CCNJL: variants seen among roughly 807,000 people sequenced by gnomAD.
The protein encoded by CCNJL is cyclin J like.
Under a neutral mutation model 33.4 loss-of-function variants are expected in CCNJL, and 33 were observed. That is an observed-to-expected ratio of 0.99 (90% CI 0.75 to 1.32). CCNJL has a LOEUF of 1.32. Among genes scored for constraint, CCNJL ranks in the 40% most tolerant of loss-of-function variants. The probability of loss-of-function intolerance (pLI) is 0.00; values close to 1 mark genes in which losing one functional copy is unlikely to be tolerated. For missense variants in CCNJL, 512 were observed against 499.7 expected (o/e 1.02, Z -0.23); for synonymous variants, 227 against 220.9 (o/e 1.03, Z -0.24).
At chr5:160,316,283 A>G (rs919533028), upstream of CCNJL, among the ~76,000 whole-genome samples, 1 of 152,160 alleles carries the variant, frequency 6.6e-6, no homozygotes, top group Non-Finnish European at 1.5e-5. Flanking sequence ...TAAGCCATTC[A>G]AAAACTAAAC....
chr5:160,339,215 C>T lies in CCNJL; in HGVS notation n.206+230G>A, dbSNP rs576381664. On this transcript the variant is annotated intron_variant and non_coding_transcript_variant, in intron 1 of 7. Transcript: ENST00000377503. ...GGCTTTGAAGATAGAGCAATAAAAT[C>T]CAAGACATGGATAATACTTAAGAAA... is the stretch of plus-strand genomic sequence containing the variant. 4.0e-5 allele frequency among the ~76,000 whole-genome samples: 6 copies of T among 151,632 alleles called. No homozygotes were observed. The East Asian group carries it at 1.2e-3, about 29-fold the overall frequency.
upstream of CCNJL, among the ~76,000 whole-genome samples, chr5:160,317,385 C>T (rs530677599): frequency 2.0e-5 from 3 of 152,326 alleles, no homozygotes; most frequent in South Asian, 2.1e-4. Context: ...CTCCCTCTCA[C>T]GCAGGGCCAG....
At chr5:160,265,980 G>C (rs1393207393) in intron 3 of CCNJL, among the ~76,000 whole-genome samples, 1 of 152,166 alleles carries the variant, frequency 6.6e-6, no homozygotes, top group African/African-American at 2.4e-5. Flanking sequence ...CTGAGAATGA[G>C]AACCAGACTT....
At chr5:160,258,304 C>T (rs527369109) in intron 4 of CCNJL, 11 of 745,974 alleles carry the variant, frequency 1.5e-5, no homozygotes, top group African/African-American at 5.2e-5. Context: ...GGATGGTATT[C>T]GAAAATGGTA....
At chr5:160,262,271 C>G (rs1265845766) in intron 3 of CCNJL, among the ~76,000 whole-genome samples, 1 of 152,140 alleles carries the variant, frequency 6.6e-6, no homozygotes, top group Non-Finnish European at 1.5e-5. Flanking sequence ...CAGATGTGCT[C>G]AATCAGATTA....
chr5:160,335,749 A>AAT (rs72400835), intron 1 of CCNJL, among the ~76,000 whole-genome samples: 8 of 140,802 alleles, frequency 5.7e-5, no homozygotes, highest in South Asian at 2.3e-4. Context: ...TTTTTTTGAA[A>AAT]TTTTTTTTTT....
chr5:160,290,965 T>C (rs1365636417), intron 2 of CCNJL, among the ~76,000 whole-genome samples: 1 of 144,278 alleles, frequency 6.9e-6, no homozygotes, highest in East Asian at 2.0e-4. Context: ...TTGCAACACT[T>C]TGGGAGGCTG....
At chr5:160,307,974 C>T (rs1476673198) in intron 2 of CCNJL, among the ~76,000 whole-genome samples, 1 of 152,168 alleles carries the variant, frequency 6.6e-6, no homozygotes, top group East Asian at 1.9e-4. Context: ...GGGTCTCACT[C>T]CTGGTTCCCA....
intron 2 of CCNJL, among the ~76,000 whole-genome samples, chr5:160,292,640 T>C (rs1762622772): frequency 6.6e-6 from 1 of 151,852 alleles, no homozygotes; most frequent in African/African-American, 2.4e-5. Flanking sequence ...TATATGTGTG[T>C]GTGTATATAT....
At chr5:160,275,519 C>T (rs928806661) in intron 3 of CCNJL, among the ~76,000 whole-genome samples, 1 of 152,082 alleles carries the variant, frequency 6.6e-6, no homozygotes, top group Non-Finnish European at 1.5e-5. Flanking sequence ...GGGTCTGGCT[C>T]TGTGGCCCAG....
At chr5:160,333,208 C>T (rs572351941) in intron 1 of CCNJL, among the ~76,000 whole-genome samples, 4 of 151,992 alleles carry the variant, frequency 2.6e-5, no homozygotes, top group South Asian at 2.1e-4. Flanking sequence ...TTGCAAGCTC[C>T]GCCTCCCAGG....
intron 3 of CCNJL, among the ~76,000 whole-genome samples, chr5:160,272,303 A>G (rs1321810106): frequency 6.6e-6 from 1 of 152,166 alleles, no homozygotes; most frequent in African/African-American, 2.4e-5. Flanking sequence ...TGGAGGATGC[A>G]AAGGGGAGTG....
intron 1 of CCNJL, among the ~76,000 whole-genome samples, chr5:160,338,722 C>A (rs1763712837): frequency 6.6e-6 from 1 of 152,180 alleles, no homozygotes; most frequent in African/African-American, 2.4e-5. Context: ...GTATAAAGCA[C>A]TTACCATAGG....
chr5:160,288,569 G>C (rs1280361658), intron 2 of CCNJL, among the ~76,000 whole-genome samples: 1 of 151,760 alleles, frequency 6.6e-6, no homozygotes, highest in African/African-American at 2.4e-5. Context: ...GTTCACTGAT[G>C]AATCTTAAAA....
chr5:160,280,124 C>T (rs187367696), intron 3 of CCNJL, among the ~76,000 whole-genome samples: 5 of 152,284 alleles, frequency 3.3e-5, no homozygotes, highest in African/African-American at 9.6e-5. Flanking sequence ...GTTCATATCC[C>T]CCATACCAGG....
Position 160,251,230 on chromosome 5 carries a change from A to C in CCNJL, c.*2148T>G, listed in dbSNP as rs1760792784. The C allele has an allele frequency of 1.3e-5, 2 of 152,214 alleles. No homozygotes were observed. Among genetic ancestry groups the C allele is most frequent in the African/African-American group, 4.8e-5 (2 of 41,450 alleles). 9.4% of individuals were successfully genotyped at this position (152,214 alleles called of 1,614,324 possible). A position where few individuals can be genotyped will look rare whatever the true frequency, so the allele number is the denominator to read the frequency against. On this transcript the variant is annotated 3_prime_UTR_variant, in exon 6 of 6. Transcript: ENST00000257536. ...TAAATTTTGCCTCACGACTGCTAACACAGAAATCATGCCTGAGTTTCCAGC... is the reference window on the plus strand; with the variant it reads ...TAAATTTTGCCTCACGACTGCTAACCCAGAAATCATGCCTGAGTTTCCAGC...
At chr5:160,272,565 G>A (rs1160001588) in intron 3 of CCNJL, among the ~76,000 whole-genome samples, 2 of 152,274 alleles carry the variant, frequency 1.3e-5, no homozygotes, top group Admixed American at 6.5e-5. Context: ...GTGAGGGGCC[G>A]GGATGGAGAA....
chr5:160,273,167 ACTGAACCACTG>A (rs1235800487), intron 3 of CCNJL, among the ~76,000 whole-genome samples: 1 of 152,246 alleles, frequency 6.6e-6, no homozygotes, highest in Non-Finnish European at 1.5e-5. Flanking sequence ...ATTAGTGAAT[ACTGAACCACTG>A]CTCCTAGGGG....
At chr5:160,254,548 A>G in intron 5 of CCNJL, 1 of 421,814 alleles carries the variant, frequency 2.4e-6, no homozygotes, top group Non-Finnish European at 4.2e-6. Flanking sequence ...AGCTTCCCAC[A>G]TCGGGGAGGG....
Sources: allele counts gnomAD v4.1 joint callset (sites outside exome capture counted in the v4.1 genomes callset), GRCh38; gene constraint gnomAD v4.1.1; transcripts MANE v1.5; gene names NCBI Gene and HGNC (gene_info 2026-07-23, HGNC 2026-07-21).